Variants in THADA observed in about 807,000 individuals in gnomAD.
THADA encodes the protein THADA armadillo repeat containing, also known as tRNA (32-2'-O)-methyltransferase regulator THADA.
In THADA, 213 loss-of-function variants were observed where a neutral mutation model predicts 219.8. The ratio of observed to expected loss-of-function variants is 0.97; its 90% CI spans 0.87 to 1.09. The LOEUF (loss-of-function observed/expected upper bound fraction) is 1.09. Among genes scored for constraint, THADA ranks in the 50% least tolerant of loss-of-function variants. THADA has a pLI of 0.00. For missense variants in THADA, 2,956 were observed against 2,311.3 expected, an observed-to-expected ratio of 1.28 and a Z score of -5.72; for synonymous variants, 1,018 against 828.9, an observed-to-expected ratio of 1.23 and a Z score of -3.92.
At chr2:43,443,598 C>A (rs1681131004) in intron 26 of THADA, among the ~76,000 whole-genome samples, 3 of 151,958 alleles carry the variant, frequency 2.0e-5, no homozygotes, top group Admixed American at 6.5e-5. Context: ...AAGTGATAGC[C>A]AAAAAGGAAA....
At chr2:43,301,047 T>G (rs958315771) in intron 31 of THADA, among the ~76,000 whole-genome samples, 3 of 152,154 alleles carry the variant, frequency 2.0e-5, no homozygotes, top group African/African-American at 7.2e-5. Context: ...TGAATCCCAC[T>G]CTTGTAGATT....
intron 26 of THADA, among the ~76,000 whole-genome samples, chr2:43,443,587 A>G (rs765629293): frequency 6.6e-5 from 10 of 152,308 alleles, no homozygotes; most frequent in Middle Eastern, 3.4e-3. Flanking sequence ...GAAAACAATA[A>G]AAGTGATAGC....
intron 29 of THADA, among the ~76,000 whole-genome samples, chr2:43,381,636 A>G (rs1672044337): frequency 6.7e-6 from 1 of 149,378 alleles, no homozygotes; most frequent in Non-Finnish European, 1.5e-5. Context: ...GCTGGATTGC[A>G]GTGGCATCAT....
At chr2:43,296,378 TA>T (rs1414908542) in intron 31 of THADA, among the ~76,000 whole-genome samples, 5 of 152,050 alleles carry the variant, frequency 3.3e-5, no homozygotes, top group Non-Finnish European at 7.4e-5. Flanking sequence ...CCGGTACAAG[TA>T]ATTCTCCTGT....
intron 28 of THADA, among the ~76,000 whole-genome samples, chr2:43,410,535 C>T (rs924175304): frequency 2.6e-5 from 4 of 152,140 alleles, no homozygotes; most frequent in African/African-American, 7.2e-5. Flanking sequence ...TCCATACAAT[C>T]GAATACCATT....
At chr2:43,560,213 A>G in intron 16 of THADA, 21 bp downstream of exon 16, 2 of 1,601,802 alleles carry the variant, frequency 1.2e-6, no homozygotes, top group East Asian at 4.5e-5. Context: ...TACCACATTT[A>G]TACTAGAAAA....
intron 30 of THADA, among the ~76,000 whole-genome samples, chr2:43,333,662 A>G (rs575756732): frequency 1.3e-4 from 20 of 152,262 alleles, no homozygotes; most frequent in Admixed American, 6.5e-4. Flanking sequence ...TGCTTCCCTT[A>G]AAGTTTTGGC....
chr2:43,401,027 A>T (rs1470741101), intron 28 of THADA, among the ~76,000 whole-genome samples: 2 of 152,182 alleles, frequency 1.3e-5, no homozygotes, highest in African/African-American at 4.8e-5. Flanking sequence ...CTTCCATAAA[A>T]TAAAACAAAT....
At chr2:43,353,875 T>C (rs934434550) in intron 29 of THADA, among the ~76,000 whole-genome samples, 2 of 150,930 alleles carry the variant, frequency 1.3e-5, no homozygotes, top group East Asian at 1.9e-4. Flanking sequence ...TGGAGTGCAG[T>C]GGTGCGTTCT....
At chr2:43,535,027 G>C (rs1214454322) in intron 21 of THADA, among the ~76,000 whole-genome samples, 1 of 151,676 alleles carries the variant, frequency 6.6e-6, no homozygotes, top group Non-Finnish European at 1.5e-5. Flanking sequence ...TGTCTTTTTG[G>C]GAACAGCCAT....
chr2:43,336,611 A>G (rs1206470578), intron 30 of THADA, among the ~76,000 whole-genome samples: 4 of 151,836 alleles, frequency 2.6e-5, no homozygotes, highest in Non-Finnish European at 5.9e-5. Context: ...CCTCCACAAC[A>G]ATCAACCACT....
rs189289718 is a variant in THADA, at chr2:43,353,594, C to T, written c.4228-9357G>A. Among the ~76,000 whole-genome samples the T allele has an allele frequency of 1.4e-3, 220 of 152,272 alleles. 2 individuals are homozygous for T. The highest frequency in any genetic ancestry group is 5.0e-3 in the African/African-American group (209 of 41,546). ...ACTCATAAATCTTAGATAATAACCC[C>T]TTATCTGATACATGGCTTGCAAATA... On this transcript the variant is annotated intron_variant, in intron 29 of 37. Coordinates refer to ENST00000405975, the MANE Select transcript of THADA (RefSeq NM_022065.5).
chr2:43,541,148 A>T lies in THADA; in HGVS notation c.3264+11T>A. ...AGAAATTATACATGGTGGAATAAAC[A>T]TGTGCCTTACCTGCTCCACCGTCAA... On this transcript the variant is annotated intron_variant, in intron 21 of 37. Transcript: ENST00000405975. 2 of 1,529,458 alleles carry T rather than the reference A, an allele frequency of 1.3e-6. No homozygotes were observed. The highest frequency in any genetic ancestry group is 4.8e-5 in the East Asian group (2 of 41,252). 94.7% of individuals were successfully genotyped at this position (1,529,458 alleles called of 1,614,324 possible).
At chr2:43,566,652 T>C in intron 15 of THADA, 46 bp downstream of exon 15, 1 of 1,598,276 alleles carries the variant, frequency 6.3e-7, no homozygotes. Context: ...AAGTATGTTT[T>C]GAAAGAAAAC....
intron 29 of THADA, among the ~76,000 whole-genome samples, chr2:43,394,267 T>TG (rs1673756517): frequency 6.6e-6 from 1 of 152,260 alleles, no homozygotes; most frequent in African/African-American, 2.4e-5. Context: ...GAATCCCACA[T>TG]GTTCTTTTTT....
Position 43,344,206 on chromosome 2 carries a change from G to A in THADA, c.4259C>T (p.Ser1420Phe), listed in dbSNP as rs748466079. ...VFHLLQAYSD[S>F]KHGTNSDFQH... ...GAAGTCTGAATTCGTTCCGTGTTTGGAGTCTGAGTAGGCTTGCAACAAATG... is the reference window on the plus strand; with the variant it reads ...GAAGTCTGAATTCGTTCCGTGTTTGAAGTCTGAGTAGGCTTGCAACAAATG... Residue 1420 changes from serine (S) to phenylalanine (F), a missense_variant, in exon 30 of 38, where the codon TCC becomes TTC. Coordinates refer to ENST00000405975, the MANE Select transcript of THADA (RefSeq NM_022065.5). 6.2e-7 allele frequency: 1 copy of A among 1,612,154 alleles called. No individual in the cohort carries two copies. Among genetic ancestry groups the A allele is most frequent in the African/African-American group, 1.3e-5 (1 of 74,884 alleles).
At chr2:43,497,216 G>A (rs116726513) in intron 25 of THADA, among the ~76,000 whole-genome samples, 2,007 of 152,166 alleles carry the variant, frequency 0.013, 41 homozygotes, top group South Asian at 0.11. Flanking sequence ...TAAATCATTC[G>A]ACTATAAAGA....
chr2:43,512,155 C>T (rs1295767402), intron 22 of THADA, among the ~76,000 whole-genome samples: 1 of 152,226 alleles, frequency 6.6e-6, no homozygotes, highest in East Asian at 1.9e-4. Flanking sequence ...TCTCTGCCCA[C>T]TGCACCATGG....
At position 43,349,977 on chromosome 2, in the gene THADA, T is replaced by A. The variant is rs1045973484; in HGVS notation, c.4228-5740A>T. On this transcript the variant is annotated intron_variant, in intron 29 of 37. Coordinates refer to ENST00000405975, the MANE Select transcript of THADA (RefSeq NM_022065.5). ...CCCAAAGCTAAGTCAGTGCCACATT[T>A]TCCTTAGTGTTTACACAGGATTTTA... 2.6e-5 allele frequency among the ~76,000 whole-genome samples: 4 copies of A among 152,200 alleles called. No individual in the cohort carries two copies. In the East Asian group the frequency reaches 7.7e-4, roughly 29 times the overall value.
Sources: gnomAD v4.1 joint callset for allele counts (sites outside exome capture counted in the v4.1 genomes callset) on GRCh38, gnomAD v4.1.1 for gene constraint, MANE v1.5 for transcripts, NCBI Gene and HGNC (gene_info 2026-07-23, HGNC 2026-07-21) for gene names.